Variants in RIF1 observed in about 807,000 individuals in gnomAD.
RIF1 encodes telomere-associated protein RIF1.
In RIF1, 45 loss-of-function variants were observed where a neutral mutation model predicts 247.1. The ratio of observed to expected loss-of-function variants is 0.18; its 90% CI spans 0.14 to 0.23. RIF1 has a LOEUF of 0.23. RIF1 is among the 10% of genes least tolerant of loss of function. RIF1 has a pLI of 1.00. For missense variants in RIF1, 2,967 were observed against 2,862.5 expected, an observed-to-expected ratio of 1.04 and a Z score of -0.83; for synonymous variants, 1,087 against 978.8, an observed-to-expected ratio of 1.11 and a Z score of -2.06.
chr2:151,498,123 G>GAAAGT (rs1553554910), intron 10 of RIF1: 5 of 1,511,210 alleles, frequency 3.3e-6, no homozygotes, highest in South Asian at 2.5e-5. Flanking sequence ...ATAGAAATGG[G>GAAAGT]AAAGTATATC....
chr2:151,435,337 G>A (rs1303702701), intron 10 of RIF1, 126 bp from the exon 11 acceptor site: 5 of 639,338 alleles, frequency 7.8e-6, no homozygotes, highest in African/African-American at 1.8e-5. Flanking sequence ...GCCTGTTTGT[G>A]CATGGAAACG....
intron 15 of RIF1, among the ~76,000 whole-genome samples, chr2:151,440,854 A>G (rs1692165990): frequency 6.6e-6 from 1 of 152,234 alleles, no homozygotes. Flanking sequence ...GAATTGATAC[A>G]TGGAAAGTAC....
rs1685906731 is a variant in RIF1, at chr2:151,410,242, G to T, written c.-10-172G>T. 4 of 633,098 alleles carry T rather than the reference G, an allele frequency of 6.3e-6. No individual in the cohort carries two copies. In the Admixed American group the frequency reaches 1.0e-4, roughly 16 times the overall value. 39.2% of individuals were successfully genotyped at this position (633,098 alleles called of 1,614,324 possible). On this transcript the variant is annotated intron_variant, in intron 1 of 35. Coordinates refer to ENST00000444746, the MANE Select transcript of RIF1 (RefSeq NM_018151.5). ...TGGGCTCAGGTGTCTGGTGTCGGGC[G>T]CCGGAGGAGGTTCGCGCTGGGGTTT...
chr2:151,439,971 TCAA>T, intron 14 of RIF1, 53 bp from the exon 15 acceptor site: 1 of 363,522 alleles, frequency 2.8e-6, no homozygotes, highest in Non-Finnish European at 4.4e-6. Flanking sequence ...AGACCCTGTC[TCAA>T]AAAAAAAAAA....
chr2:151,464,804 A>G lies in RIF1; in HGVS notation c.5284A>G (p.Thr1762Ala), dbSNP rs772281634. The stretch of plus-strand genomic sequence containing the variant: ...AAATAATGACGTAGAGATTAGTGAA[A>G]CAAAAAAGGCAGATGTGCAAGCACC... ...TENNDVEISETKKADVQAPVS... is the reference protein window; with the variant it reads ...TENNDVEISEAKKADVQAPVS... Residue 1762 changes from threonine to alanine, a missense_variant, in exon 30 of 36, where the codon ACA (threonine) becomes GCA (alanine). By Grantham distance (58) the Thr-to-Ala change is moderately conservative. Coordinates refer to ENST00000444746, the MANE Select transcript of RIF1 (RefSeq NM_018151.5). 6.2e-7 allele frequency: 1 copy of G among 1,614,002 alleles called. No homozygotes were observed. Among genetic ancestry groups the G allele is most frequent in the Non-Finnish European group, 8.5e-7 (1 of 1,179,966 alleles).
At chr2:151,420,153 A>C in intron 6 of RIF1, 37 bp from the exon 7 acceptor site, 2 of 1,564,968 alleles carry the variant, frequency 1.3e-6, no homozygotes, top group Non-Finnish European at 1.7e-6. Context: ...TTAAAACATG[A>C]GGTCACGCTA....
intron 6 of RIF1, among the ~76,000 whole-genome samples, chr2:151,418,994 CT>C (rs1687703299): frequency 1.5e-5 from 1 of 65,798 alleles, no homozygotes; most frequent in African/African-American, 5.9e-5. Context: ...TTTTTTTTAA[CT>C]TTCATAACTT....
intron 27 of RIF1, among the ~76,000 whole-genome samples, chr2:151,461,902 C>T (rs916663129): frequency 1.3e-5 from 2 of 151,010 alleles, no homozygotes; most frequent in African/African-American, 4.9e-5. Context: ...GAGACAGAGT[C>T]TCTCTCTGTT....
the RIF1 span, chr2:151,533,512 T>C: frequency 6.4e-7 from 1 of 1,551,462 alleles, no homozygotes; most frequent in Non-Finnish European, 8.7e-7. Flanking sequence ...ACATCCATGT[T>C]GCAGAAACAT....
At chr2:151,500,565 T>TAA (rs745363472) in intron 11 of RIF1, among the ~76,000 whole-genome samples, 1 of 149,296 alleles carries the variant, frequency 6.7e-6, no homozygotes, top group African/African-American at 2.4e-5. Flanking sequence ...TTGTTTTGAA[T>TAA]AAGTATCAAA....
At chr2:151,498,923 A>G (rs1057230217) in intron 10 of RIF1, among the ~76,000 whole-genome samples, 8 of 152,186 alleles carry the variant, frequency 5.3e-5, no homozygotes, top group African/African-American at 1.9e-4. Flanking sequence ...ATCTGTACAA[A>G]TAACAGTAGA....
intron 6 of RIF1, among the ~76,000 whole-genome samples, chr2:151,418,343 T>A: frequency 6.6e-6 from 1 of 152,102 alleles, no homozygotes; most frequent in African/African-American, 2.4e-5. Context: ...TAGCTGGGAT[T>A]ATAGGCGTCA....
chr2:151,512,905 A>G (rs1408442126), downstream of RIF1: 11 of 1,032,082 alleles, frequency 1.1e-5, no homozygotes, highest in African/African-American at 3.2e-5. Context: ...GCTTGATTTG[A>G]TTAAGAGGTG....
intron 10 of RIF1, among the ~76,000 whole-genome samples, chr2:151,434,749 A>AT (rs992820125): frequency 4.6e-5 from 7 of 151,650 alleles, no homozygotes; most frequent in Non-Finnish European, 1.0e-4. Flanking sequence ...TGGTTTTTGA[A>AT]TTTTTTTACA....
chr2:151,414,574 A>G (rs1686866507), intron 3 of RIF1, among the ~76,000 whole-genome samples: 1 of 152,174 alleles, frequency 6.6e-6, no homozygotes, highest in Non-Finnish European at 1.5e-5. Flanking sequence ...TTGCTTTCAT[A>G]GGTGTAGAGA....
chr2:151,522,800 G>A, the RIF1 span, among the ~76,000 whole-genome samples: 21 of 152,068 alleles, frequency 1.4e-4, no homozygotes, highest in Admixed American at 5.9e-4. Flanking sequence ...AAGATGCAGC[G>A]CCGTGCCCTC....
Position 151,477,977 on chromosome 2 carries a change from G to A in RIF1, c.*2906G>A, listed in dbSNP as rs1391037394. The A allele has an allele frequency of 6.6e-6, 1 of 152,170 alleles. No individual in the cohort carries two copies. The highest frequency in any genetic ancestry group is 1.5e-5 in the Non-Finnish European group (1 of 68,034). The allele number at this position is 152,170 out of a possible 1,614,324, so 9.4% of individuals were successfully genotyped here. A position where few individuals can be genotyped will look rare whatever the true frequency, so the allele number is the denominator to read the frequency against. ...ACCTGCCTCAGCCTCCTAAAATGGT[G>A]GCATTACAGGCGTGAGCCACCGCTC... is the stretch of plus-strand genomic sequence containing the variant. On this transcript the variant is annotated 3_prime_UTR_variant, in exon 36 of 36. Coordinates refer to ENST00000444746, the MANE Select transcript of RIF1 (RefSeq NM_018151.5).
At chr2:151,451,745 C>A in intron 21 of RIF1, 40 bp downstream of exon 21, 3 of 1,060,824 alleles carry the variant, frequency 2.8e-6, no homozygotes, top group South Asian at 1.3e-5. Context: ...TCCAGTATTT[C>A]ATAAGCAGTA....
chr2:151,469,170 T>C (rs1442494120), intron 33 of RIF1, among the ~76,000 whole-genome samples: 1 of 152,200 alleles, frequency 6.6e-6, no homozygotes, highest in South Asian at 2.1e-4. Context: ...TTGTTTCTAA[T>C]TACAAGTTTG....
Sources: gnomAD v4.1 joint callset for allele counts (sites outside exome capture counted in the v4.1 genomes callset) on GRCh38, gnomAD v4.1.1 for gene constraint, MANE v1.5 for transcripts, NCBI Gene and HGNC (gene_info 2026-07-23, HGNC 2026-07-21) for gene names.